The following ABI3BP variants were observed in gnomAD, a reference collection of about 807,000 sequenced individuals.
The protein encoded by ABI3BP is target of Nesh-SH3.
A neutral mutation model predicts 268.6 loss-of-function variants in ABI3BP; 216 were observed. The ratio of observed to expected loss-of-function variants is 0.80; its 90% CI spans 0.72 to 0.90. The LOEUF (loss-of-function observed/expected upper bound fraction) is 0.90, where lower values mean the gene tolerates loss of function less well. Ranked by LOEUF, ABI3BP falls within the 40% of genes least tolerant of loss-of-function variation. The pLI is 0.00. For missense variants in ABI3BP, 2,090 were observed against 2,182.4 expected (o/e 0.96, Z 0.84); for synonymous variants, 730 against 730.0 (o/e 1.00, Z 0.00).
At chr3:100,768,648 C>A (rs533065129) in intron 62 of ABI3BP, among the ~76,000 whole-genome samples, 1 of 152,284 alleles carries the variant, frequency 6.6e-6, no homozygotes, top group Non-Finnish European at 1.5e-5. Context: ...GTTTATGCGG[C>A]ATATTCAAAT....
chr3:100,988,682 C>T (rs1314279885), intron 1 of ABI3BP, among the ~76,000 whole-genome samples: 2 of 152,178 alleles, frequency 1.3e-5, no homozygotes, highest in East Asian at 3.9e-4. Context: ...TTGTAATTAT[C>T]CCTTTCCACA....
intron 2 of ABI3BP, chr3:100,914,330 A>T: frequency 2.6e-6 from 1 of 390,806 alleles, no homozygotes; most frequent in South Asian, 1.9e-5. Context: ...GTTATGCCCC[A>T]TGGCTTGGAG....
At chr3:100,797,844 C>A (rs2097396540) in intron 51 of ABI3BP, among the ~76,000 whole-genome samples, 1 of 151,900 alleles carries the variant, frequency 6.6e-6, no homozygotes, top group African/African-American at 2.4e-5. Context: ...AAAAAGGAAA[C>A]TTTAAAAAGA....
intron 1 of ABI3BP, among the ~76,000 whole-genome samples, chr3:100,989,308 A>C (rs780305172): frequency 4.8e-4 from 73 of 152,218 alleles, no homozygotes; most frequent in Non-Finnish European, 8.4e-4. Context: ...GACAAAGACA[A>C]TGGAGGAGCT....
intron 2 of ABI3BP, among the ~76,000 whole-genome samples, chr3:100,921,465 A>C (rs532661555): frequency 1.4e-4 from 21 of 152,250 alleles, no homozygotes; most frequent in South Asian, 6.2e-4. Context: ...TAAAAGAAAG[A>C]AGCAGAAACT....
intron 51 of ABI3BP, among the ~76,000 whole-genome samples, chr3:100,803,864 A>C (rs934927862): frequency 1.3e-5 from 2 of 152,214 alleles, no homozygotes; most frequent in African/African-American, 4.8e-5. Context: ...CAAAGTGACT[A>C]TACCACAGCA....
chr3:100,976,688 G>A (rs768083497), intron 1 of ABI3BP, among the ~76,000 whole-genome samples: 29 of 152,150 alleles, frequency 1.9e-4, no homozygotes, highest in Non-Finnish European at 3.1e-4. Context: ...TTCAAGATGG[G>A]GTCTAAGCTA....
Position 100,902,700 on chromosome 3 carries a change from CAT to C in ABI3BP, c.260-16_260-15del. On this transcript the variant is annotated splice_polypyrimidine_tract_variant and intron_variant, in intron 2 of 67. Transcript: ENST00000471714. ...TCGGCTCTGCATCTGGAAGCAATAA[CAT>C]TATTTATCAGAAAAACCCTTTGAGA... The C allele has an allele frequency of 6.2e-7, 1 of 1,612,012 alleles. No individual in the cohort carries two copies. The highest frequency in any genetic ancestry group is 8.5e-7 in the Non-Finnish European group (1 of 1,178,630).
intron 61 of ABI3BP, among the ~76,000 whole-genome samples, chr3:100,773,870 T>C (rs537903847): frequency 6.6e-6 from 1 of 152,330 alleles, no homozygotes; most frequent in South Asian, 2.1e-4. Flanking sequence ...TTTTCATTTA[T>C]ATAAAATTTC....
intron 4 of ABI3BP, 35 bp downstream of exon 4, chr3:100,898,727 G>A: frequency 3.1e-6 from 5 of 1,596,654 alleles, no homozygotes; most frequent in Non-Finnish European, 4.3e-6. Context: ...TCTAAAGCAT[G>A]TACAGATGCT....
intron 2 of ABI3BP, among the ~76,000 whole-genome samples, chr3:100,912,844 A>C (rs1468784227): frequency 6.6e-6 from 1 of 152,164 alleles, no homozygotes; most frequent in Non-Finnish European, 1.5e-5. Flanking sequence ...GGACCTCCTA[A>C]GTGTGGCCAT....
chr3:100,823,821 T>C (rs1317256767), intron 36 of ABI3BP, among the ~76,000 whole-genome samples: 3 of 152,222 alleles, frequency 2.0e-5, no homozygotes, highest in Non-Finnish European at 4.4e-5. Flanking sequence ...TTTTAATGCA[T>C]TTATCTCACA....
In ABI3BP at chr3:100,850,675, G is replaced by T. The variant is rs2098827850; in HGVS notation, c.1411C>A (p.Pro471Thr). The T allele has an allele frequency of 6.2e-7, 1 of 1,611,882 alleles. No homozygotes were observed. The highest frequency in any genetic ancestry group is 1.1e-5 in the South Asian group (1 of 91,008). The change falls in exon 16 of 68, where the codon CCA becomes ACA. Residue 471 changes from proline to threonine, a missense_variant. By Grantham distance (38) the Pro-to-Thr change is conservative. Transcript: ENST00000471714. ...AAAACATTACCCAGTGTTGCCCTTG[G>T]CTGTTCAAGAGTTCTAGAAGTTTTA... is the stretch of plus-strand genomic sequence containing the variant. ...PPKTSRTLEQ[P>T]RATLAPSETP...
chr3:100,928,943 T>C (rs990183250), intron 1 of ABI3BP, among the ~76,000 whole-genome samples: 4 of 152,114 alleles, frequency 2.6e-5, no homozygotes, highest in South Asian at 2.1e-4. Flanking sequence ...TTTGATAAGA[T>C]GATTTATACT....
In ABI3BP at chr3:100,830,620, G is replaced by C; in HGVS notation, c.2416C>G (p.Leu806Val). 6.5e-7 allele frequency: 1 copy of C among 1,532,554 alleles called. No homozygotes were observed. Among genetic ancestry groups the C allele is most frequent in the Non-Finnish European group, 8.7e-7 (1 of 1,144,652 alleles). 94.9% of individuals were successfully genotyped at this position (1,532,554 alleles called of 1,614,324 possible). A position where few individuals can be genotyped will look rare whatever the true frequency, so the allele number is the denominator to read the frequency against. ...GCCTCAGTTCTAAGAACTGGTTCGAGGATTGTGGCAGGAACTGATCAAAAG... is the reference window on the plus strand; with the variant it reads ...GCCTCAGTTCTAAGAACTGGTTCGACGATTGTGGCAGGAACTGATCAAAAG... ...PQTKLVPATI[L>V]EPVLRTEASG... Residue 806 changes from leucine to valine, a missense_variant, in exon 32 of 68, where the codon CTC becomes GTC. By Grantham distance (32) the Leu-to-Val change is conservative. Transcript: ENST00000471714.
At chr3:100,813,499 A>G (rs1387863846) in intron 45 of ABI3BP, among the ~76,000 whole-genome samples, 162 bp downstream of exon 45, 1 of 152,210 alleles carries the variant, frequency 6.6e-6, no homozygotes, top group African/African-American at 2.4e-5. Context: ...ATGTATTACT[A>G]ATTTAACAAT....
At chr3:100,781,816 G>A (rs1487952573) in intron 57 of ABI3BP, among the ~76,000 whole-genome samples, 3 of 152,086 alleles carry the variant, frequency 2.0e-5, no homozygotes, top group Non-Finnish European at 4.4e-5. Flanking sequence ...ACATATTCAT[G>A]ACTTGACTTA....
intron 50 of ABI3BP, 147 bp from the exon 51 acceptor site, chr3:100,805,013 T>C (rs2097662599): frequency 4.6e-6 from 3 of 648,812 alleles, no homozygotes; most frequent in African/African-American, 1.8e-5. Context: ...AAAGAAGACC[T>C]AACCTTAAGC....
intron 36 of ABI3BP, 55 bp downstream of exon 36, chr3:100,824,803 C>A (rs1464485409): frequency 1.6e-5 from 23 of 1,433,910 alleles, no homozygotes; most frequent in East Asian, 2.5e-5. Context: ...TGCTTCAGTC[C>A]CCACTGCGAC....
Sources: allele counts gnomAD v4.1 joint callset (sites outside exome capture counted in the v4.1 genomes callset), GRCh38; gene constraint gnomAD v4.1.1; transcripts MANE v1.5; gene names NCBI Gene and HGNC (gene_info 2026-07-23, HGNC 2026-07-21).